Variants in PROM1 observed in about 807,000 individuals in gnomAD.
PROM1 encodes the protein prominin-1.
PROM1 carries 105 observed loss-of-function variants against 116.9 expected under a neutral mutation model. The ratio of observed to expected loss-of-function variants is 0.90; its 90% CI spans 0.77 to 1.06. PROM1 has a LOEUF of 1.06. Among genes scored for constraint, PROM1 ranks in the 50% least tolerant of loss-of-function variants. The pLI is 0.00. For synonymous variants in PROM1, 393 were observed against 387.0 expected, an observed-to-expected ratio of 1.02 and a Z score of -0.18; for missense variants, 1,122 against 1,045.2, an observed-to-expected ratio of 1.07 and a Z score of -1.01.
chr4:16,057,416 A>C (rs956552600), intron 2 of PROM1, among the ~76,000 whole-genome samples: 2 of 152,262 alleles, frequency 1.3e-5, no homozygotes, highest in Admixed American at 6.5e-5. Flanking sequence ...AACATTTCAA[A>C]TCATAATTCG....
Position 16,009,105 on chromosome 4 carries a change from A to G in PROM1, c.1145T>C (p.Ile382Thr), listed in dbSNP as rs1413160329. 6 of 1,612,208 alleles carry G rather than the reference A, an allele frequency of 3.7e-6. No individual in the cohort carries two copies. Among genetic ancestry groups the G allele is most frequent in the East Asian group, 4.5e-5 (2 of 44,868 alleles). ...ACCAATGGAATTCAAGACCCTTTTG[A>G]TACCTGAAAACAAAGATACCTTTGT... ...QRQTTTVVAG[I>T]KRVLNSIGSD... Residue 382 changes from isoleucine (I) to threonine (T), a missense_variant, in exon 12 of 28, where the codon ATC becomes ACC. Coordinates refer to ENST00000447510, the MANE Select transcript of PROM1 (RefSeq NM_006017.3).
chr4:15,969,034 C>T lies in PROM1; in HGVS notation c.*359G>A, dbSNP rs1257542522. The T allele has an allele frequency of 6.6e-6, 1 of 152,226 alleles. No homozygotes were observed. The highest frequency in any genetic ancestry group is 1.5e-5 in the Non-Finnish European group (1 of 68,044). 9.4% of individuals were successfully genotyped at this position (152,226 alleles called of 1,614,324 possible). ...TCCACACATGGCAATATGTTAGAAT[C>T]TAGCCATCACATTTGATAGAGTTTT... On this transcript the variant is annotated 3_prime_UTR_variant, in exon 28 of 28. Coordinates refer to ENST00000447510, the MANE Select transcript of PROM1 (RefSeq NM_006017.3).
intron 2 of PROM1, among the ~76,000 whole-genome samples, chr4:16,066,686 C>T (rs1429155839): frequency 6.6e-6 from 1 of 152,198 alleles, no homozygotes; most frequent in Non-Finnish European, 1.5e-5. Context: ...AATCTCAAGA[C>T]TTCATTTCTG....
chr4:15,974,451 CA>C (rs960494147), intron 26 of PROM1, among the ~76,000 whole-genome samples: 1 of 151,444 alleles, frequency 6.6e-6, no homozygotes, highest in Non-Finnish European at 1.5e-5. Context: ...AAAAAGAGAC[CA>C]AAAAAAACTA....
intron 2 of PROM1, among the ~76,000 whole-genome samples, chr4:16,051,622 A>T (rs977476500): frequency 1.9e-4 from 29 of 152,248 alleles, no homozygotes; most frequent in African/African-American, 7.0e-4. Context: ...CCTCATCAGG[A>T]TGTGCTTTGT....
rs1276371478 is a variant in PROM1, at chr4:16,038,962, T to C, written c.260A>G (p.Lys87Arg). The change falls in exon 3 of 28, where the codon AAA (lysine) becomes AGA (arginine). Residue 87 changes from lysine (K) to arginine (R), a missense_variant. Coordinates refer to ENST00000447510, the MANE Select transcript of PROM1 (RefSeq NM_006017.3). ...RKFLQKAYES[K>R]IDYDKPETVI... ...AAAAATTACCTTGTCATAATCAATT[T>C]TGGATTCATATGCCTTCTGTAAGAA... The C allele has an allele frequency of 4.0e-6, 6 of 1,500,520 alleles. No homozygotes were observed. Among genetic ancestry groups the C allele is most frequent in the East Asian group, 2.5e-5 (1 of 39,796 alleles). 93.0% of individuals were successfully genotyped at this position (1,500,520 alleles called of 1,614,324 possible). A position where few individuals can be genotyped will look rare whatever the true frequency, so the allele number is the denominator to read the frequency against.
intron 5 of PROM1, 78 bp downstream of exon 5, chr4:16,033,226 C>T: frequency 7.8e-7 from 1 of 1,279,868 alleles, no homozygotes. Context: ...GTTTTAAACT[C>T]ATGGTTTAAC....
intron 1 of PROM1, chr4:16,078,079 G>A (rs977818622): frequency 2.0e-5 from 3 of 152,202 alleles, no homozygotes; most frequent in African/African-American, 4.8e-5. Context: ...GAAAGCCAGG[G>A]CAGAGGGAGA....
intron 23 of PROM1, among the ~76,000 whole-genome samples, chr4:15,981,811 T>C (rs1256952408): frequency 1.3e-5 from 2 of 152,230 alleles, no homozygotes; most frequent in Non-Finnish European, 2.9e-5. Flanking sequence ...TATCCTTTTT[T>C]AAATAGTTGC....
chr4:16,025,706 AAC>A (rs922481443), intron 5 of PROM1, among the ~76,000 whole-genome samples: 3 of 128,948 alleles, frequency 2.3e-5, no homozygotes, highest in Admixed American at 8.2e-5. Context: ...CATGTGTGTG[AAC>A]ACACACACAC....
chr4:16,013,871 G>A (rs1727584637), intron 10 of PROM1, among the ~76,000 whole-genome samples: 1 of 151,996 alleles, frequency 6.6e-6, no homozygotes, highest in African/African-American at 2.4e-5. Flanking sequence ...TATCCCATGG[G>A]CAGACAGAAA....
At chr4:15,996,858 T>C (rs1010884443) in intron 15 of PROM1, among the ~76,000 whole-genome samples, 3 of 151,984 alleles carry the variant, frequency 2.0e-5, no homozygotes. Context: ...GTGTAGGGCA[T>C]GGAAGGGCTT....
intron 2 of PROM1, among the ~76,000 whole-genome samples, chr4:16,059,194 A>G (rs1739725405): frequency 1.3e-5 from 2 of 152,206 alleles, no homozygotes; most frequent in South Asian, 4.1e-4. Context: ...GAAATCAGTC[A>G]GATATGAGTT....
At chr4:15,969,682 G>GT (rs1713908166) in intron 27 of PROM1, among the ~76,000 whole-genome samples, 1 of 152,088 alleles carries the variant, frequency 6.6e-6, no homozygotes, top group Non-Finnish European at 1.5e-5. Flanking sequence ...CGTCTCCCGG[G>GT]TTTAAGCCTC....
At chr4:15,980,320 A>AT in intron 24 of PROM1, 102 bp downstream of exon 24, 5 of 803,018 alleles carry the variant, frequency 6.2e-6, no homozygotes, top group Non-Finnish European at 1.0e-5. Flanking sequence ...AAAAAAAAAA[A>AT]GAAATCAACT....
At chr4:15,974,682 G>A (rs1362050124) in intron 26 of PROM1, among the ~76,000 whole-genome samples, 2 of 152,052 alleles carry the variant, frequency 1.3e-5, no homozygotes, top group Non-Finnish European at 2.9e-5. Flanking sequence ...TGTTGCCCAG[G>A]CTGGTTTTGA....
intron 10 of PROM1, among the ~76,000 whole-genome samples, chr4:16,015,367 G>C (rs796201336): frequency 3.9e-4 from 21 of 53,850 alleles, no homozygotes; most frequent in African/African-American, 1.3e-3. Flanking sequence ...AAAAAAAAAA[G>C]AAGAAGAAGG....
rs767318720 is a variant in PROM1, at chr4:15,985,970, G to C, written c.2198C>G (p.Ser733Cys). The C allele has an allele frequency of 3.5e-6, 4 of 1,156,028 alleles. No homozygotes were observed. Among genetic ancestry groups the C allele is most frequent in the Non-Finnish European group, 3.3e-6 (3 of 903,082 alleles). 71.6% of individuals were successfully genotyped at this position (1,156,028 alleles called of 1,614,324 possible). A position where few individuals can be genotyped will look rare whatever the true frequency, so the allele number is the denominator to read the frequency against. ...AAGAAGGCTCACCTCAATAATAACA[G>C]AGGAAGTATTGTTTGTGATGAAGTT... The part of the protein sequence containing the change: ...AQNFITNNTS[S>C]VIIEETKKYG... Residue 733 changes from serine to cysteine, a missense_variant, in exon 21 of 28, where the codon TCT (serine) becomes TGT (cysteine). Ser to Cys is a moderately radical substitution (Grantham distance 112, BLOSUM62 -1). Transcript: ENST00000447510.
rs551197239 is a variant in PROM1 at position 16,010,622 on chromosome 4, C to A, written c.1142-1514G>T. 2.6e-5 allele frequency among the ~76,000 whole-genome samples: 4 copies of A among 152,264 alleles called. No homozygotes were observed. The South Asian group carries it at 6.2e-4, about 24-fold the overall frequency. The stretch of plus-strand genomic sequence containing the variant: ...GGGCTCAAGGATCCTCCCACCTCAG[C>A]CTCCCAAGTAGCTGGGACTACAGGT... On this transcript the variant is annotated intron_variant, in intron 11 of 27. Transcript: ENST00000447510.
Sources: gnomAD v4.1 joint callset for allele counts (sites outside exome capture counted in the v4.1 genomes callset) on GRCh38, gnomAD v4.1.1 for gene constraint, MANE v1.5 for transcripts, NCBI Gene and HGNC (gene_info 2026-07-23, HGNC 2026-07-21) for gene names.